Variants in GNB4 observed in about 807,000 individuals in gnomAD.
GNB4 encodes the protein guanine nucleotide-binding protein subunit beta-4.
GNB4 carries 28 observed loss-of-function variants against 45.2 expected under a neutral mutation model. The observed-to-expected ratio is 0.62, with a 90% confidence interval of 0.46 to 0.85. The LOEUF is 0.85. Ranked by LOEUF, GNB4 falls within the 40% of genes least tolerant of loss-of-function variation. GNB4 has a pLI of 0.00. For missense variants in GNB4, 321 were observed against 425.4 expected (o/e 0.75, Z 2.16); for synonymous variants, 132 against 143.7 (o/e 0.92, Z 0.58).
intron 9 of GNB4, 48 bp downstream of exon 9, chr3:179,405,142 C>A (rs762298714): frequency 1.4e-6 from 2 of 1,460,656 alleles, no homozygotes. Flanking sequence ...ATGGGAACCT[C>A]TTCACGCTTC....
the GNB4 span, among the ~76,000 whole-genome samples, chr3:179,499,689 C>G: frequency 6.6e-6 from 1 of 152,234 alleles, no homozygotes; most frequent in Non-Finnish European, 1.5e-5. Context: ...AATGGTCGAA[C>G]TAATTTACAC....
In GNB4 at chr3:179,407,142, G is replaced by A. The variant is rs970043666; in HGVS notation, c.700-1736C>T. Among the ~76,000 whole-genome samples, 9 of 152,242 alleles carry A rather than the reference G, an allele frequency of 5.9e-5. No individual in the cohort carries two copies. The South Asian group carries it at 1.4e-3, about 25-fold the overall frequency. On this transcript the variant is annotated intron_variant, in intron 8 of 9. Coordinates refer to ENST00000232564, the MANE Select transcript of GNB4 (RefSeq NM_021629.4). The stretch of plus-strand genomic sequence containing the variant: ...CTAAAAACATTGGATATCAGTCAAC[G>A]AAGGAGCGTGCCTCTGAGAAACAAT...
rs147949019 is a variant in GNB4, at chr3:179,414,596, A to C, written c.430+289T>G. Among the ~76,000 whole-genome samples the C allele has an allele frequency of 2.3e-3, 345 of 152,366 alleles. 1 individual carries two copies. The Middle Eastern group carries it at 0.027, about 12-fold the overall frequency. ...CACAATCCCATAATTGTTATATGGC[A>C]GCAGAAAATGGAGAACATTTTATTT... On this transcript the variant is annotated intron_variant, in intron 6 of 9. Transcript: ENST00000232564.
chr3:179,439,326 A>T (rs1376278213), intron 1 of GNB4, among the ~76,000 whole-genome samples: 2 of 152,180 alleles, frequency 1.3e-5, no homozygotes, highest in African/African-American at 2.4e-5. Flanking sequence ...TAAAACATCT[A>T]AATCCTTACA....
chr3:179,415,394 G>GT (rs1475560361), intron 5 of GNB4, among the ~76,000 whole-genome samples: 2 of 152,158 alleles, frequency 1.3e-5, no homozygotes, highest in Non-Finnish European at 2.9e-5. Flanking sequence ...TTTCACTTTT[G>GT]TAATAGTGCT....
At chr3:179,458,254 C>T in the GNB4 span, among the ~76,000 whole-genome samples, 1 of 152,192 alleles carries the variant, frequency 6.6e-6, no homozygotes, top group African/African-American at 2.4e-5. Context: ...TGCTCTACCA[C>T]TTCACCATCC....
At chr3:179,473,480 G>A in the GNB4 span, among the ~76,000 whole-genome samples, 1 of 151,696 alleles carries the variant, frequency 6.6e-6, no homozygotes. Flanking sequence ...TTGTCACCCA[G>A]GCTGGAGTGC....
Position 179,435,556 on chromosome 3 carries a change from T to C in GNB4, c.-42-9314A>G, listed in dbSNP as rs373360181. Among the ~76,000 whole-genome samples, 16 of 151,768 alleles carry C rather than the reference T, an allele frequency of 1.1e-4. 1 individual carries two copies. Among genetic ancestry groups the C allele is most frequent in the East Asian group, 1.9e-4 (1 of 5,166 alleles). On this transcript the variant is annotated intron_variant, in intron 1 of 9. Coordinates refer to ENST00000232564, the MANE Select transcript of GNB4 (RefSeq NM_021629.4). ...ATAGTAATTTTTGCTCAAGATCACATTGGAGCTGCCTATCACAATCTTCAA... is the reference window on the plus strand; with the variant it reads ...ATAGTAATTTTTGCTCAAGATCACACTGGAGCTGCCTATCACAATCTTCAA...
chr3:179,416,347 A>T (rs1714798094), intron 5 of GNB4, 146 bp downstream of exon 5: 1 of 578,048 alleles, frequency 1.7e-6, no homozygotes, highest in Non-Finnish European at 3.1e-6. Flanking sequence ...AGTAAACACT[A>T]AGACAAAAGA....
chr3:179,489,001 AAAAAAAAAAAAAAAAAAAATAT>A, the GNB4 span, among the ~76,000 whole-genome samples: 5 of 33,706 alleles, frequency 1.5e-4, no homozygotes, highest in African/African-American at 6.5e-4. Flanking sequence ...AAAAAAAAAA[AAAAAAAAAAAAAAAAAAAATAT>A]ATATATATAT....
At chr3:179,409,276 C>G (rs1262800863) in intron 8 of GNB4, among the ~76,000 whole-genome samples, 2 of 151,694 alleles carry the variant, frequency 1.3e-5, no homozygotes, top group Admixed American at 6.6e-5. Flanking sequence ...TTTGGGAGGC[C>G]GAGGTGGGTG....
the GNB4 span, among the ~76,000 whole-genome samples, chr3:179,511,197 C>T: frequency 6.6e-6 from 1 of 152,202 alleles, no homozygotes; most frequent in African/African-American, 2.4e-5. Flanking sequence ...TGAACATTTA[C>T]AGTATCCAGA....
chr3:179,526,367 G>A, the GNB4 span, among the ~76,000 whole-genome samples: 1 of 152,198 alleles, frequency 6.6e-6, no homozygotes, highest in African/African-American at 2.4e-5. Context: ...GCACAAGAAT[G>A]TAAAATCATT....
chr3:179,418,693 A>AG (rs1169064812), intron 4 of GNB4, among the ~76,000 whole-genome samples: 5 of 152,216 alleles, frequency 3.3e-5, no homozygotes, highest in Admixed American at 1.3e-4. Context: ...ATTAAAACAT[A>AG]GAAGTTTCTT....
Position 179,442,807 on chromosome 3 carries a change from A to G in GNB4, c.-43+8539T>C, listed in dbSNP as rs1266403239. 2.0e-5 allele frequency among the ~76,000 whole-genome samples: 3 copies of G among 151,964 alleles called. No individual in the cohort carries two copies. In the East Asian group the frequency reaches 5.8e-4, roughly 29 times the overall value. On this transcript the variant is annotated intron_variant, in intron 1 of 9. Coordinates refer to ENST00000232564, the MANE Select transcript of GNB4 (RefSeq NM_021629.4). The stretch of plus-strand genomic sequence containing the variant: ...ATGCCAAGCTAATTAAAAAAAAAAA[A>G]TTTTAGAGGTGGGGTCCTTACTATG...
At chr3:179,415,341 A>T (rs542483065) in intron 5 of GNB4, among the ~76,000 whole-genome samples, 6 of 152,342 alleles carry the variant, frequency 3.9e-5, no homozygotes, top group Admixed American at 3.9e-4. Context: ...ATATACTGCC[A>T]TTTGAAAAAT....
At chr3:179,435,270 T>A (rs539743008) in intron 1 of GNB4, among the ~76,000 whole-genome samples, 5 of 152,278 alleles carry the variant, frequency 3.3e-5, no homozygotes, top group African/African-American at 1.2e-4. Context: ...AAGGCTTTCA[T>A]GAACCCATAC....
At chr3:179,408,740 C>T (rs1305421822) in intron 8 of GNB4, among the ~76,000 whole-genome samples, 1 of 150,826 alleles carries the variant, frequency 6.6e-6, no homozygotes, top group Admixed American at 6.6e-5. Flanking sequence ...TGCAGTGAGC[C>T]GAGATCATGC....
the GNB4 span, among the ~76,000 whole-genome samples, chr3:179,507,459 T>G: frequency 6.6e-6 from 1 of 152,054 alleles, no homozygotes; most frequent in East Asian, 1.9e-4. Context: ...AAGAAAGGCT[T>G]GTAGCATAGC....
Sources: gnomAD v4.1 joint callset for allele counts (sites outside exome capture counted in the v4.1 genomes callset) on GRCh38, gnomAD v4.1.1 for gene constraint, MANE v1.5 for transcripts, NCBI Gene and HGNC (gene_info 2026-07-23, HGNC 2026-07-21) for gene names.